LOC400499: variants seen among roughly 807,000 people sequenced by gnomAD.
chr16:11,462,401 G>A, the LOC400499 span: 18 of 1,367,966 alleles, frequency 1.3e-5, no homozygotes, highest in African/African-American at 4.5e-5. Context: ...AGACAACATC[G>A]CTAACAACCT....
the LOC400499 span, among the ~76,000 whole-genome samples, chr16:11,473,356 G>GA: frequency 9.0e-4 from 133 of 148,012 alleles, no homozygotes; most frequent in African/African-American, 2.9e-3. Context: ...AAAAAAAAAA[G>GA]AAAAAAAAAT....
chr16:11,418,313 G>T, the LOC400499 span, among the ~76,000 whole-genome samples: 2 of 152,208 alleles, frequency 1.3e-5, no homozygotes, highest in Non-Finnish European at 1.5e-5. Flanking sequence ...TTCCCAGGAG[G>T]TCAGGCATTC....
chr16:11,491,066 T>C, the LOC400499 span, among the ~76,000 whole-genome samples: 63 of 152,272 alleles, frequency 4.1e-4, no homozygotes, highest in African/African-American at 1.1e-3. Flanking sequence ...CACAACACTC[T>C]ATGAGGGAGG....
the LOC400499 span, chr16:11,478,077 C>T: frequency 5.1e-6 from 2 of 395,624 alleles, no homozygotes; most frequent in Admixed American, 8.9e-5. Flanking sequence ...CTTTGGGAGG[C>T]CGAGACGGGT....
chr16:11,400,320 C>G, the LOC400499 span, among the ~76,000 whole-genome samples: 19 of 152,176 alleles, frequency 1.2e-4, no homozygotes, highest in African/African-American at 3.6e-4. Flanking sequence ...GCTCCTCCAG[C>G]TTCTCTCAAG....
the LOC400499 span, chr16:11,516,354 G>A: frequency 2.5e-6 from 1 of 398,992 alleles, no homozygotes. Flanking sequence ...CAGTGCCCCA[G>A]GCCACTTGCA....
chr16:11,398,860 C>T, the LOC400499 span, among the ~76,000 whole-genome samples: 1 of 152,038 alleles, frequency 6.6e-6, no homozygotes, highest in Admixed American at 6.5e-5. Context: ...GGGGTTTCGC[C>T]ATGTTGGCCA....
the LOC400499 span, among the ~76,000 whole-genome samples, chr16:11,426,535 A>C: frequency 6.6e-6 from 1 of 152,168 alleles, no homozygotes; most frequent in African/African-American, 2.4e-5. Context: ...TAAGAATGAG[A>C]ACAAGGTAAG....
At chr16:11,483,531 AATAAAAGAAGCCAAAC>A in the LOC400499 span, among the ~76,000 whole-genome samples, 2 of 152,152 alleles carry the variant, frequency 1.3e-5, no homozygotes, top group East Asian at 3.8e-4. Context: ...AATTATGCTG[AATAAAAGAAGCCAAAC>A]AAAAAAGAGT....
chr16:11,479,862 C>T, the LOC400499 span, among the ~76,000 whole-genome samples: 1 of 152,334 alleles, frequency 6.6e-6, no homozygotes, highest in South Asian at 2.1e-4. Flanking sequence ...GCAAACCCCA[C>T]TGCGTCTCGT....
the LOC400499 span, among the ~76,000 whole-genome samples, chr16:11,443,839 C>CT: frequency 0.51 from 74,679 of 147,124 alleles, 18,805 homozygotes; most frequent in South Asian, 0.61. Flanking sequence ...AATCCCAACA[C>CT]TTTTTTTTTT....
chr16:11,406,712 G>A, the LOC400499 span, among the ~76,000 whole-genome samples: 7 of 152,314 alleles, frequency 4.6e-5, no homozygotes, highest in African/African-American at 9.6e-5. Context: ...GATTACAGGC[G>A]CGAGCCACCG....
chr16:11,414,605 C>T, the LOC400499 span: 18 of 398,956 alleles, frequency 4.5e-5, no homozygotes, highest in Middle Eastern at 6.2e-4. Flanking sequence ...TGCCCTGTGG[C>T]CCTCAAACAC....
At chr16:11,516,337 G>T in the LOC400499 span, 1 of 399,152 alleles carries the variant, frequency 2.5e-6, no homozygotes, top group South Asian at 1.3e-4. Flanking sequence ...GGTCAAGCGG[G>T]ACCCTCCAGT....
the LOC400499 span, chr16:11,398,292 C>A: frequency 1.6e-6 from 2 of 1,224,966 alleles, no homozygotes; most frequent in Non-Finnish European, 2.0e-6. Flanking sequence ...TCACTGCTGC[C>A]CCCTCACCAT....
the LOC400499 span, chr16:11,387,115 C>G: frequency 1.6e-6 from 2 of 1,232,394 alleles, no homozygotes; most frequent in African/African-American, 1.5e-5. Flanking sequence ...ACTCACATTC[C>G]CAGGGGCCCG....
chr16:11,515,009 G>C, the LOC400499 span, among the ~76,000 whole-genome samples: 1 of 152,134 alleles, frequency 6.6e-6, no homozygotes, highest in African/African-American at 2.4e-5. Context: ...GGAGGGCGTG[G>C]GGAAAAGGAC....
the LOC400499 span, among the ~76,000 whole-genome samples, chr16:11,496,686 T>C: frequency 1.3e-5 from 2 of 152,086 alleles, no homozygotes; most frequent in African/African-American, 2.4e-5. Flanking sequence ...GTGTACTGTG[T>C]GTCCCTTGTG....
At chr16:11,461,178 TC>T in the LOC400499 span, 45 of 1,474,644 alleles carry the variant, frequency 3.1e-5, no homozygotes, top group Non-Finnish European at 4.0e-5. Flanking sequence ...AGCACCCCCA[TC>T]CCCAGGCAAA....
Sources: gnomAD v4.1 joint callset for allele counts (sites outside exome capture counted in the v4.1 genomes callset) on GRCh38, gnomAD v4.1.1 for gene constraint, MANE v1.5 for transcripts.